The following SMG6 variants were observed in gnomAD, a reference collection of about 807,000 sequenced individuals.
SMG6 encodes the protein SMG6 nonsense mediated mRNA decay factor, also known as telomerase-binding protein EST1A.
A neutral mutation model predicts 142.2 loss-of-function variants in SMG6; 66 were observed. The observed-to-expected ratio is 0.46, with a 90% CI of 0.38 to 0.57. SMG6 has a LOEUF of 0.57. SMG6 is among the 20% of genes least tolerant of loss of function. The probability of loss-of-function intolerance (pLI) is 0.00; values close to 1 mark genes in which losing one functional copy is unlikely to be tolerated. For missense variants in SMG6, 1,793 were observed against 1,832.0 expected, an observed-to-expected ratio of 0.98 and a Z score of 0.39; for synonymous variants, 779 against 702.4, an observed-to-expected ratio of 1.11 and a Z score of -1.72.
intron 10 of SMG6, among the ~76,000 whole-genome samples, chr17:2,227,072 ACAATAC>A (rs2073341338): frequency 6.6e-6 from 1 of 152,234 alleles, no homozygotes; most frequent in East Asian, 1.9e-4. Flanking sequence ...AAAAGAAATG[ACAATAC>A]CAAATGCTGA....
At chr17:2,246,374 CA>C (rs1185029286) in intron 8 of SMG6, among the ~76,000 whole-genome samples, 1 of 152,214 alleles carries the variant, frequency 6.6e-6, no homozygotes. Flanking sequence ...GTCTGCCCCA[CA>C]AGGAGAAAGT....
chr17:2,223,259 G>A (rs963945054), intron 10 of SMG6, among the ~76,000 whole-genome samples: 1 of 152,212 alleles, frequency 6.6e-6, no homozygotes, highest in African/African-American at 2.4e-5. Flanking sequence ...TCAGAAACCT[G>A]CCCAGCAGTT....
intron 13 of SMG6, among the ~76,000 whole-genome samples, chr17:2,128,874 A>C: frequency 6.6e-6 from 1 of 151,822 alleles, no homozygotes. Context: ...GAAGACAAAA[A>C]GACAGAAAAA....
chr17:2,160,260 C>T (rs2151622957), intron 13 of SMG6, among the ~76,000 whole-genome samples: 1 of 152,234 alleles, frequency 6.6e-6, no homozygotes, highest in South Asian at 2.1e-4. Flanking sequence ...CACTCTATTG[C>T]CCAGGCTGGA....
chr17:2,209,086 C>T (rs1008572379), intron 10 of SMG6, among the ~76,000 whole-genome samples: 8 of 151,994 alleles, frequency 5.3e-5, no homozygotes, highest in Admixed American at 3.3e-4. Flanking sequence ...ATGGGTTAAG[C>T]CCAGGAGGAG....
intron 13 of SMG6, among the ~76,000 whole-genome samples, chr17:2,091,157 G>C (rs2068704381): frequency 6.6e-6 from 1 of 152,240 alleles, no homozygotes; most frequent in Non-Finnish European, 1.5e-5. Context: ...TAGCAGCCAA[G>C]GGTGGGCCAG....
chr17:2,062,149 G>A (rs181152063), intron 18 of SMG6: 1 of 154,630 alleles, frequency 6.5e-6, no homozygotes. Context: ...CCTGAGGAGA[G>A]GAGAGGGTAA....
At position 2,299,731 on chromosome 17, in the gene SMG6, T is replaced by C. The variant is rs1885987; in HGVS notation, c.1022A>G (p.Asn341Ser). 3.7e-6 allele frequency: 6 copies of C among 1,613,952 alleles called. No individual in the cohort carries two copies. The highest frequency in any genetic ancestry group is 1.7e-5 in the Admixed American group (1 of 59,970). ...WSGRGEGEQK[N>S]SAKEYRGTLR... ...AGTGCCTCGATATTCTTTAGCACTG[T>C]TTTTCTGCTCACCCTCCCCACGGCC... The change falls in exon 2 of 19, where the codon AAC becomes AGC. Residue 341 changes from asparagine (N) to serine (S), a missense_variant. Coordinates refer to ENST00000263073, the MANE Select transcript of SMG6 (RefSeq NM_017575.5). The surrounding 1 kb of genome is among the most constrained non-coding windows in gnomAD (Gnocchi z 4.3).
intron 8 of SMG6, among the ~76,000 whole-genome samples, chr17:2,274,315 C>A (rs1376456878): frequency 1.3e-5 from 2 of 152,152 alleles, no homozygotes; most frequent in African/African-American, 4.8e-5. Flanking sequence ...AAAACTGGCA[C>A]AACAGAACAG....
chr17:2,124,243 G>A (rs1300842245), intron 13 of SMG6, among the ~76,000 whole-genome samples: 4 of 152,210 alleles, frequency 2.6e-5, no homozygotes, highest in Non-Finnish European at 5.9e-5. Context: ...AATCCCAAAT[G>A]CTACAGTAAA....
rs1033103217 is a variant in SMG6 at position 2,162,799 on chromosome 17, G to T, written c.3357+9859C>A. On this transcript the variant is annotated intron_variant, in intron 13 of 18. Coordinates refer to ENST00000263073, the MANE Select transcript of SMG6 (RefSeq NM_017575.5). ...TAGTTATCTCTGGGTAGTGGATCAA[G>T]AAAATCTTTTCTTTTCCGTATTGCT... 2.6e-5 allele frequency among the ~76,000 whole-genome samples: 4 copies of T among 152,248 alleles called. No homozygotes were observed. In the South Asian group the frequency reaches 8.3e-4, roughly 32 times the overall value.
intron 10 of SMG6, among the ~76,000 whole-genome samples, chr17:2,202,967 C>A (rs377626590): frequency 6.6e-6 from 1 of 152,146 alleles, no homozygotes; most frequent in African/African-American, 2.4e-5. Flanking sequence ...CAGAGGACAC[C>A]CTGGCTTTCC....
intron 13 of SMG6, among the ~76,000 whole-genome samples, chr17:2,166,161 G>A (rs913869852): frequency 2.6e-5 from 4 of 151,926 alleles, no homozygotes; most frequent in Admixed American, 6.6e-5. Context: ...GCAGTGAGCC[G>A]GGGGGTCACG....
chr17:2,176,010 G>A (rs1018748353), intron 12 of SMG6, among the ~76,000 whole-genome samples: 3 of 152,186 alleles, frequency 2.0e-5, no homozygotes, highest in African/African-American at 7.2e-5. Flanking sequence ...ACTCTCTACA[G>A]GAGTGAGGGA....
intron 13 of SMG6, among the ~76,000 whole-genome samples, chr17:2,138,673 C>T (rs891171220): frequency 2.0e-5 from 3 of 152,166 alleles, no homozygotes; most frequent in Admixed American, 6.5e-5. Context: ...AGAATGGAAA[C>T]TTACCAGCAA....
chr17:2,197,804 G>A (rs1567676090), intron 10 of SMG6, among the ~76,000 whole-genome samples: 1 of 152,092 alleles, frequency 6.6e-6, no homozygotes. Context: ...CTATCAGAAT[G>A]GCTAAAATAA....
At chr17:2,170,443 A>C (rs1220364577) in intron 13 of SMG6, among the ~76,000 whole-genome samples, 1 of 152,246 alleles carries the variant, frequency 6.6e-6, no homozygotes, top group Non-Finnish European at 1.5e-5. Flanking sequence ...CTCTGGAATC[A>C]AGACCACCTT....
chr17:2,120,168 C>G (rs1597417555), intron 13 of SMG6, among the ~76,000 whole-genome samples: 2 of 152,148 alleles, frequency 1.3e-5, no homozygotes, highest in Admixed American at 1.3e-4. Context: ...ATTTTTAGCC[C>G]TCATAAAGTA....
At chr17:2,264,833 C>T (rs1158115842) in intron 8 of SMG6, among the ~76,000 whole-genome samples, 1 of 150,888 alleles carries the variant, frequency 6.6e-6, no homozygotes, top group Non-Finnish European at 1.5e-5. Context: ...GCCCAGGAGG[C>T]GAAGGTTGCA....
Sources: allele counts gnomAD v4.1 joint callset (sites outside exome capture counted in the v4.1 genomes callset), GRCh38; gene constraint gnomAD v4.1.1; non-coding constraint Gnocchi (gnomAD v3.1); transcripts MANE v1.5; gene names NCBI Gene and HGNC (gene_info 2026-07-23, HGNC 2026-07-21).